Variants in BRD10 observed in about 807,000 individuals in gnomAD.
The protein encoded by BRD10 is uncharacterized bromodomain-containing protein 10.
chr9:5,938,846 A>C, the BRD10 span, among the ~76,000 whole-genome samples: 1 of 152,212 alleles, frequency 6.6e-6, no homozygotes, highest in African/African-American at 2.4e-5. Context: ...TGTGACTGTT[A>C]AAACCCTAAA....
At chr9:5,905,613 C>A in the BRD10 span, among the ~76,000 whole-genome samples, 1 of 152,242 alleles carries the variant, frequency 6.6e-6, no homozygotes, top group Non-Finnish European at 1.5e-5. Flanking sequence ...TTCCTTTATA[C>A]TGACTTCAAG....
At chr9:5,932,127 C>T in the BRD10 span, among the ~76,000 whole-genome samples, 1 of 151,982 alleles carries the variant, frequency 6.6e-6, no homozygotes, top group Non-Finnish European at 1.5e-5. Flanking sequence ...TGATAATCTG[C>T]CTTATCTTGG....
the BRD10 span, among the ~76,000 whole-genome samples, chr9:5,945,688 A>G: frequency 6.6e-6 from 1 of 152,108 alleles, no homozygotes; most frequent in Non-Finnish European, 1.5e-5. Flanking sequence ...CAACAACAGT[A>G]ACAAAAATAT....
At chr9:5,907,551 T>C in the BRD10 span, among the ~76,000 whole-genome samples, 1 of 152,246 alleles carries the variant, frequency 6.6e-6, no homozygotes, top group African/African-American at 2.4e-5. Context: ...TAATGATTTT[T>C]ATATTGATTC....
At chr9:5,897,432 T>A in the BRD10 span, 1 of 840,294 alleles carries the variant, frequency 1.2e-6, no homozygotes, top group Non-Finnish European at 2.0e-6. Flanking sequence ...GGAAACTACT[T>A]GGACACTGGG....
the BRD10 span, among the ~76,000 whole-genome samples, chr9:5,993,312 T>TAAAAAAA: frequency 9.3e-4 from 108 of 116,674 alleles, no homozygotes; most frequent in Non-Finnish European, 1.3e-3. Flanking sequence ...GAGACTCCAT[T>TAAAAAAA]AAAAAAAAAA....
chr9:5,941,013 T>C, the BRD10 span, among the ~76,000 whole-genome samples: 11 of 152,042 alleles, frequency 7.2e-5, no homozygotes, highest in African/African-American at 2.4e-4. Flanking sequence ...TCATACCCAA[T>C]CTCTACAAGG....
the BRD10 span, among the ~76,000 whole-genome samples, chr9:5,893,911 C>T: frequency 7.9e-6 from 1 of 126,882 alleles, no homozygotes. Flanking sequence ...CACCCCCGCC[C>T]CCCGCCCCGT....
chr9:5,944,012 C>T, the BRD10 span, among the ~76,000 whole-genome samples: 29,357 of 151,880 alleles, frequency 0.19, 3,039 homozygotes, highest in Middle Eastern at 0.28. Flanking sequence ...ACAAATCTGC[C>T]GATATCAAAC....
chr9:5,928,207 A>G, the BRD10 span, among the ~76,000 whole-genome samples: 4 of 151,900 alleles, frequency 2.6e-5, no homozygotes, highest in African/African-American at 9.7e-5. Flanking sequence ...TACCAATCCT[A>G]CTTTCAAGGT....
the BRD10 span, chr9:5,968,303 T>C: frequency 1.5e-3 from 2,470 of 1,611,462 alleles, 5 homozygotes; most frequent in Non-Finnish European, 1.8e-3. Flanking sequence ...TCCATTTACA[T>C]GTATTTGGCA....
the BRD10 span, among the ~76,000 whole-genome samples, chr9:5,946,207 G>GA: frequency 6.6e-6 from 1 of 151,786 alleles, no homozygotes; most frequent in Non-Finnish European, 1.5e-5. Flanking sequence ...AAGAGATTAA[G>GA]AAAAAATGAT....
chr9:5,978,469 ATATT>A, the BRD10 span, among the ~76,000 whole-genome samples: 6 of 152,120 alleles, frequency 3.9e-5, no homozygotes, highest in South Asian at 2.1e-4. Context: ...GGGAAGCAAG[ATATT>A]TATTTATATT....
At chr9:5,984,352 A>G in the BRD10 span, among the ~76,000 whole-genome samples, 48 of 152,226 alleles carry the variant, frequency 3.2e-4, 1 homozygote, top group African/African-American at 1.1e-3. Flanking sequence ...ATACAGAGGC[A>G]TACTGTCAAG....
the BRD10 span, among the ~76,000 whole-genome samples, chr9:6,004,985 T>A: frequency 2.6e-5 from 4 of 152,234 alleles, no homozygotes; most frequent in Admixed American, 2.6e-4. Flanking sequence ...GAGGTCATAC[T>A]ACTTTTTGCT....
chr9:5,918,374 A>C, the BRD10 span, among the ~76,000 whole-genome samples: 1 of 152,218 alleles, frequency 6.6e-6, no homozygotes, highest in Non-Finnish European at 1.5e-5. Flanking sequence ...GTAGCTCAAG[A>C]TAATGGATAT....
the BRD10 span, among the ~76,000 whole-genome samples, chr9:5,914,782 C>G: frequency 6.6e-6 from 1 of 151,988 alleles, no homozygotes. Context: ...ATGAGACTCC[C>G]AGAATTAGAT....
chr9:5,925,345 C>A, the BRD10 span, among the ~76,000 whole-genome samples: 1 of 131,928 alleles, frequency 7.6e-6, no homozygotes, highest in African/African-American at 2.8e-5. Flanking sequence ...GGCGACAGAG[C>A]GAGACTCCAT....
At chr9:5,974,972 G>A in the BRD10 span, among the ~76,000 whole-genome samples, 1 of 152,090 alleles carries the variant, frequency 6.6e-6, no homozygotes, top group African/African-American at 2.4e-5. Context: ...CTGCATTCCA[G>A]GAAAAAGCTC....
Sources: allele counts gnomAD v4.1 joint callset (sites outside exome capture counted in the v4.1 genomes callset), GRCh38; gene constraint gnomAD v4.1.1; transcripts MANE v1.5; gene names NCBI Gene and HGNC (gene_info 2026-07-23, HGNC 2026-07-21).